SYTL5: variants seen among roughly 807,000 people sequenced by gnomAD.
SYTL5 encodes the protein synaptotagmin like 5.
In SYTL5, 34 loss-of-function variants were observed where a neutral mutation model predicts 55.9. The ratio of observed to expected loss-of-function variants is 0.61; its 90% CI spans 0.46 to 0.81. The LOEUF (loss-of-function observed/expected upper bound fraction) is 0.81. Among genes scored for constraint, SYTL5 ranks in the 30% least tolerant of loss-of-function variants. SYTL5 has a pLI of 0.00. For missense variants in SYTL5, 637 were observed against 546.7 expected, an observed-to-expected ratio of 1.17 and a Z score of -1.65; for synonymous variants, 221 against 188.7, an observed-to-expected ratio of 1.17 and a Z score of -1.40.
At chrX:37,934,629 CT>C in the SYTL5 span, among the ~76,000 whole-genome samples, 11 of 102,723 alleles carry the variant, frequency 1.1e-4, no homozygotes, top group African/African-American at 2.9e-4. Context: ...AATAATATTT[CT>C]TTTTTTTTTC....
At chrX:38,024,269 C>T (rs3920550) in intron 1 of SYTL5, among the ~76,000 whole-genome samples, 13 of 108,829 alleles carry the variant, frequency 1.2e-4, no homozygotes, top group Non-Finnish European at 2.3e-4. Flanking sequence ...ATAAGTCTCA[C>T]GAGATATGAT....
the SYTL5 span, among the ~76,000 whole-genome samples, chrX:37,952,774 T>C: frequency 9.0e-6 from 1 of 110,509 alleles, no homozygotes; most frequent in East Asian, 2.8e-4. Context: ...AGAGAGAAAA[T>C]GATAGATTCA....
the SYTL5 span, among the ~76,000 whole-genome samples, chrX:37,897,482 CAA>C: frequency 4.4e-5 from 3 of 68,263 alleles, no homozygotes; most frequent in Non-Finnish European, 2.9e-5. Flanking sequence ...GACTCCATCT[CAA>C]AAAAAAAAAA....
chrX:37,999,234 C>T, the SYTL5 span, among the ~76,000 whole-genome samples: 2 of 112,564 alleles, frequency 1.8e-5, no homozygotes, highest in South Asian at 7.4e-4. Flanking sequence ...TACACTGTTC[C>T]TAAAATCACA....
chrX:37,939,887 GTGGCGCAATCT>G, the SYTL5 span, among the ~76,000 whole-genome samples: 25 of 111,741 alleles, frequency 2.2e-4, no homozygotes, highest in African/African-American at 7.5e-4. Context: ...CTGGAGTGCA[GTGGCGCAATCT>G]TGGCTCGCTG....
At chrX:37,919,450 G>A in the SYTL5 span, among the ~76,000 whole-genome samples, 1 of 111,697 alleles carries the variant, frequency 9.0e-6, no homozygotes, top group Non-Finnish European at 1.9e-5. Flanking sequence ...AAGGAAGAAA[G>A]AAATCTCTGT....
the SYTL5 span, among the ~76,000 whole-genome samples, chrX:37,903,177 C>T: frequency 2.7e-5 from 3 of 110,602 alleles, no homozygotes; most frequent in African/African-American, 6.6e-5. Context: ...AAATACCATT[C>T]GACCCCGCCA....
intron 9 of SYTL5, among the ~76,000 whole-genome samples, chrX:38,099,307 A>C (rs1170663462): frequency 9.0e-6 from 1 of 111,173 alleles, no homozygotes; most frequent in Non-Finnish European, 1.9e-5. Flanking sequence ...ACTTTTGAAA[A>C]GAAAGTAAAG....
chrX:37,985,872 A>T, the SYTL5 span, among the ~76,000 whole-genome samples: 5 of 111,887 alleles, frequency 4.5e-5, no homozygotes, highest in African/African-American at 1.6e-4. Context: ...AAACCCATAC[A>T]TCTATAGTCA....
chrX:37,937,967 G>T, the SYTL5 span, among the ~76,000 whole-genome samples: 1 of 112,449 alleles, frequency 8.9e-6, no homozygotes, highest in African/African-American at 3.2e-5. Context: ...ATGGAAGGGG[G>T]TTGGGCTGTA....
the SYTL5 span, among the ~76,000 whole-genome samples, chrX:37,895,011 A>G: frequency 3.4e-4 from 38 of 111,559 alleles, no homozygotes; most frequent in Admixed American, 3.6e-3. Flanking sequence ...CTCAGCCTCT[A>G]TAATTGCGTG....
intron 3 of SYTL5, among the ~76,000 whole-genome samples, chrX:38,061,286 T>G (rs1263498875): frequency 2.8e-5 from 3 of 105,539 alleles, no homozygotes; most frequent in African/African-American, 9.8e-5. Flanking sequence ...TCTCCAACAT[T>G]GCAACTGTTA....
intron 2 of SYTL5, among the ~76,000 whole-genome samples, chrX:38,048,746 C>G (rs6520972): frequency 0.35 from 38,492 of 109,849 alleles, 7,202 homozygotes; most frequent in African/African-American, 0.71. Context: ...TATCTCCCAC[C>G]AGGTCTCTCC....
chrX:37,893,537 A>AATATATAATCTATAGATTATAGATT, the SYTL5 span, among the ~76,000 whole-genome samples: 4 of 89,646 alleles, frequency 4.5e-5, no homozygotes, highest in Non-Finnish European at 8.4e-5. Flanking sequence ...ATCTATAGAT[A>AATATATAATCTATAGATTATAGATT]ATATATAATC....
the SYTL5 span, among the ~76,000 whole-genome samples, chrX:37,920,084 T>G: frequency 9.0e-6 from 1 of 111,489 alleles, no homozygotes; most frequent in Non-Finnish European, 1.9e-5. Context: ...GATCAAAAGA[T>G]ATTCTGATGT....
At chrX:38,034,359 C>T (rs1935043324) in intron 2 of SYTL5, among the ~76,000 whole-genome samples, 1 of 112,192 alleles carries the variant, frequency 8.9e-6, no homozygotes, top group South Asian at 3.7e-4. Flanking sequence ...CCTTGGTTTC[C>T]TCATCGGTAA....
the SYTL5 span, among the ~76,000 whole-genome samples, chrX:37,908,055 T>C: frequency 4.6e-5 from 5 of 107,810 alleles, no homozygotes; most frequent in Admixed American, 9.9e-5. Flanking sequence ...ATTTTAAAGC[T>C]GCAGTGAGCT....
the SYTL5 span, among the ~76,000 whole-genome samples, chrX:37,932,865 C>G: frequency 9.0e-6 from 1 of 110,880 alleles, no homozygotes; most frequent in Non-Finnish European, 1.9e-5. Context: ...TGATCTCTCA[C>G]TCTCTACATG....
chrX:37,895,787 A>G, the SYTL5 span, among the ~76,000 whole-genome samples: 1 of 111,225 alleles, frequency 9.0e-6, no homozygotes, highest in Non-Finnish European at 1.9e-5. Context: ...ATATTCTAAA[A>G]ATTAAACTTC....
Sources: gnomAD v4.1 joint callset for allele counts (sites outside exome capture counted in the v4.1 genomes callset) on GRCh38, gnomAD v4.1.1 for gene constraint, MANE v1.5 for transcripts, NCBI Gene and HGNC (gene_info 2026-07-23, HGNC 2026-07-21) for gene names.